The following WASHC2C variants were observed in gnomAD, a reference collection of about 807,000 sequenced individuals.
WASHC2C encodes WASH complex subunit 2C.
Under a neutral mutation model 142.2 loss-of-function variants are expected in WASHC2C, and 73 were observed. The observed-to-expected ratio is 0.51, with a 90% CI of 0.43 to 0.62. The LOEUF (loss-of-function observed/expected upper bound fraction) is 0.62. Among genes scored for constraint, WASHC2C ranks in the 20% least tolerant of loss-of-function variants. The probability of loss-of-function intolerance (pLI) is 0.00; values close to 1 mark genes in which losing one functional copy is unlikely to be tolerated. For synonymous variants in WASHC2C, 337 were observed against 565.5 expected, an observed-to-expected ratio of 0.60 and a Z score of 5.73; for missense variants, 969 against 1,531.7, an observed-to-expected ratio of 0.63 and a Z score of 6.13.
chr10:45,789,912 C>T (rs2058296747), intron 29 of WASHC2C, among the ~76,000 whole-genome samples: 1 of 152,126 alleles, frequency 6.6e-6, no homozygotes, highest in East Asian at 1.9e-4. Context: ...ATAAGACTTT[C>T]AGTGGCATTT....
chr10:45,766,092 C>G (rs1441036708), intron 19 of WASHC2C, among the ~76,000 whole-genome samples: 9 of 152,202 alleles, frequency 5.9e-5, no homozygotes, highest in African/African-American at 2.2e-4. Flanking sequence ...TCTCAGCCAT[C>G]GCTAGTTCAT....
At chr10:45,754,445 T>C in intron 13 of WASHC2C, 41 bp from the exon 14 acceptor site, 2 of 1,598,776 alleles carry the variant, frequency 1.3e-6, no homozygotes, top group Non-Finnish European at 8.5e-7. Flanking sequence ...AGGAAAGTTA[T>C]TTCCCTTGTA....
chr10:45,763,954 G>A (rs1272742319), intron 18 of WASHC2C, among the ~76,000 whole-genome samples: 3 of 152,082 alleles, frequency 2.0e-5, no homozygotes, highest in African/African-American at 4.8e-5. Context: ...CGCCTGCCTC[G>A]GCCTCCCTAA....
chr10:45,759,814 A>G (rs1173636722), intron 17 of WASHC2C, among the ~76,000 whole-genome samples: 79 of 152,270 alleles, frequency 5.2e-4, no homozygotes, highest in Middle Eastern at 6.8e-3. Context: ...GCGAGACTTC[A>G]TCTCAAAATA....
intron 29 of WASHC2C, among the ~76,000 whole-genome samples, chr10:45,789,727 G>A (rs1297942313): frequency 1.3e-5 from 2 of 152,144 alleles, no homozygotes; most frequent in Non-Finnish European, 2.9e-5. Flanking sequence ...TACTGATCTT[G>A]GTTTCTCTAG....
rs2058249316 is a variant in WASHC2C at position 45,789,100 on chromosome 10, G to T, written c.3317G>T (p.Gly1106Val). 7 of 1,612,088 alleles carry T rather than the reference G, an allele frequency of 4.3e-6. No homozygotes were observed. The South Asian group carries it at 7.7e-5, about 18-fold the overall frequency. The change falls in exon 29 of 31, where the codon GGT becomes GTT. Residue 1106 changes from glycine to valine, a missense_variant. Physicochemically the swap from Gly to Val is moderately radical, Grantham distance 109 (BLOSUM62 -3). Transcript: ENST00000623400. ...LAAAAAPWEG[G>V]PVPGVDTSPF... The stretch of plus-strand genomic sequence containing the variant: ...GCTGCCGCTGCACCTTGGGAAGGTG[G>T]TCCTGTGCCTGGAGTGGACACAAGC...
At chr10:45,752,474 T>C in intron 11 of WASHC2C, 114 bp from the exon 12 acceptor site, 1 of 816,438 alleles carries the variant, frequency 1.2e-6, no homozygotes, top group Non-Finnish European at 2.1e-6. Flanking sequence ...CTTTGTTAAA[T>C]AGTGTCAGAT....
At chr10:45,779,493 T>A (rs1451023569) in intron 23 of WASHC2C, among the ~76,000 whole-genome samples, 2 of 152,352 alleles carry the variant, frequency 1.3e-5, no homozygotes, top group East Asian at 3.9e-4. Flanking sequence ...AGAAAAAGTG[T>A]TGTAGATGAA....
At chr10:45,739,406 A>G (rs1215156733) in intron 4 of WASHC2C, among the ~76,000 whole-genome samples, 1 of 149,142 alleles carries the variant, frequency 6.7e-6, no homozygotes, top group Non-Finnish European at 1.5e-5. Context: ...ACAATGGCAC[A>G]CTTGTGTCTG....
chr10:45,738,001 G>A lies in WASHC2C; in HGVS notation c.310G>A (p.Val104Met). The A allele has an allele frequency of 6.2e-7, 1 of 1,611,854 alleles. No individual in the cohort carries two copies. The highest frequency in any genetic ancestry group is 8.5e-7 in the Non-Finnish European group (1 of 1,179,820). The change falls in exon 4 of 31, where the codon GTG (valine) becomes ATG (methionine). Residue 104 changes from valine to methionine, a missense_variant. By Grantham distance (21) the Val-to-Met change is conservative (BLOSUM62 1). Transcript: ENST00000623400. ...TATTTAGCGTGTATATGATGAAGAAGTGGAGGAGCCAGTACTCAAGGCTGA... is the reference window on the plus strand; with the variant it reads ...TATTTAGCGTGTATATGATGAAGAAATGGAGGAGCCAGTACTCAAGGCTGA... ...FIENRVYDEEVEEPVLKAEAE... is the reference protein window; with the variant it reads ...FIENRVYDEEMEEPVLKAEAE...
chr10:45,777,136 C>A lies in WASHC2C; in HGVS notation c.2143-137C>A. 9.1e-6 allele frequency: 6 copies of A among 662,236 alleles called. No homozygotes were observed. In the South Asian group the frequency reaches 1.2e-4, roughly 13 times the overall value. 41.0% of individuals were successfully genotyped at this position (662,236 alleles called of 1,614,324 possible). On this transcript the variant is annotated intron_variant, in intron 21 of 30. Coordinates refer to ENST00000623400, the MANE Select transcript of WASHC2C (RefSeq NM_001330074.2). ...TGCTTCTCCCTTTTGGTGCTACCTT[C>A]ACTATCCTGTCCTCTCTTCCTTGAT...
At chr10:45,742,668 CT>C (rs1400165871) in intron 5 of WASHC2C, among the ~76,000 whole-genome samples, 1 of 152,090 alleles carries the variant, frequency 6.6e-6, no homozygotes. Context: ...ATTAGTACTG[CT>C]TTTTAGGGGA....
At position 45,750,171 on chromosome 10, in the gene WASHC2C, G is replaced by A. The variant is rs549285077; in HGVS notation, c.808G>A (p.Glu270Lys). 5.6e-5 allele frequency: 90 copies of A among 1,611,426 alleles called. No individual in the cohort carries two copies. The highest frequency in any genetic ancestry group is 1.8e-4 in the East Asian group (8 of 44,818). The change falls in exon 9 of 31, where the codon GAA (glutamate) becomes AAA (lysine). Residue 270 changes from glutamate to lysine, a missense_variant. Physicochemically the swap from Glu to Lys is moderately conservative, Grantham distance 56. Transcript: ENST00000623400. ...TTTTGCTGACTCTGAGAAGGAGGAG[G>A]AAGATATTGAGGACATTGAAGAAAA... Reference protein sequence around the residue: ...DLFADSEKEEEDIEDIEENTR... With the variant: ...DLFADSEKEEKDIEDIEENTR...
intron 7 of WASHC2C, among the ~76,000 whole-genome samples, chr10:45,745,290 A>T (rs1554870589): frequency 1.3e-5 from 2 of 151,734 alleles, no homozygotes; most frequent in African/African-American, 4.8e-5. Context: ...CTAGAGCAGG[A>T]TATACCGAAA....
In WASHC2C at chr10:45,789,099, G is replaced by A. The variant is rs1325582827; in HGVS notation, c.3316G>A (p.Gly1106Ser). 2.7e-5 allele frequency: 44 copies of A among 1,612,062 alleles called. No individual in the cohort carries two copies. Among genetic ancestry groups the A allele is most frequent in the Non-Finnish European group, 3.6e-5 (43 of 1,179,860 alleles). Residue 1106 changes from glycine (G) to serine (S), a missense_variant, in exon 29 of 31, where the codon GGT becomes AGT. Transcript: ENST00000623400. ...LAAAAAPWEG[G>S]PVPGVDTSPF... ...AGCTGCCGCTGCACCTTGGGAAGGTGGTCCTGTGCCTGGAGTGGACACAAG... is the reference window on the plus strand; with the variant it reads ...AGCTGCCGCTGCACCTTGGGAAGGTAGTCCTGTGCCTGGAGTGGACACAAG...
chr10:45,742,201 ACT>A (rs1192317132), intron 5 of WASHC2C, among the ~76,000 whole-genome samples: 161 of 151,806 alleles, frequency 1.1e-3, no homozygotes, highest in African/African-American at 3.6e-3. Flanking sequence ...TCCTGCCCTC[ACT>A]CTGTTTTCTC....
At chr10:45,791,962 G>C (rs1231890939) in intron 30 of WASHC2C, among the ~76,000 whole-genome samples, 1 of 145,756 alleles carries the variant, frequency 6.9e-6, no homozygotes, top group Non-Finnish European at 1.5e-5. Flanking sequence ...CCTGATGGTA[G>C]GGGCGTGGGC....
upstream of WASHC2C, chr10:45,727,090 T>A (rs2049934925): frequency 3.7e-6 from 5 of 1,344,846 alleles, no homozygotes; most frequent in Non-Finnish European, 3.9e-6. Context: ...TCCTCCAGCT[T>A]CCTCCGCCCC....
chr10:45,743,079 G>A (rs1158819203), intron 5 of WASHC2C, among the ~76,000 whole-genome samples: 6 of 151,654 alleles, frequency 4.0e-5, no homozygotes, highest in African/African-American at 1.5e-4. Context: ...GTTTCACCAC[G>A]TTGGTCAGGC....
Sources: gnomAD v4.1 joint callset for allele counts (sites outside exome capture counted in the v4.1 genomes callset) on GRCh38, gnomAD v4.1.1 for gene constraint, MANE v1.5 for transcripts, NCBI Gene and HGNC (gene_info 2026-07-23, HGNC 2026-07-21) for gene names.